The following BCAR3 variants were observed in gnomAD, a reference collection of about 807,000 sequenced individuals.
The protein encoded by BCAR3 is breast cancer anti-estrogen resistance protein 3.
In BCAR3, 37 loss-of-function variants were observed where a neutral mutation model predicts 80.1. The ratio of observed to expected loss-of-function variants is 0.46; its 90% confidence interval spans 0.36 to 0.61. BCAR3 has a LOEUF of 0.61. BCAR3 is among the 20% of genes least tolerant of loss of function. BCAR3 has a pLI of 0.00. For missense variants in BCAR3, 978 were observed against 1,068.2 expected (o/e 0.92, Z 1.18); for synonymous variants, 389 against 418.9 (o/e 0.93, Z 0.87).
At chr1:93,663,571 A>G (rs1009396589) in intron 2 of BCAR3, among the ~76,000 whole-genome samples, 1 of 152,234 alleles carries the variant, frequency 6.6e-6, no homozygotes, top group African/African-American at 2.4e-5. Context: ...TATACCGTGG[A>G]TGAGAAATTA....
At chr1:93,645,121 C>T (rs944850539) in intron 2 of BCAR3, among the ~76,000 whole-genome samples, 1 of 152,136 alleles carries the variant, frequency 6.6e-6, no homozygotes, top group Non-Finnish European at 1.5e-5. Context: ...CTGGGGGCCT[C>T]GTGGGAGTGT....
In BCAR3 at chr1:93,822,976, G is replaced by A. The variant is rs1159007411; in HGVS notation, c.-63+22591C>T. ...TAGGAAGAGGCATCACTCAAGTCCAGCCCATGAGTCATGAAGGCAATCTTC... is the reference window on the plus strand; with the variant it reads ...TAGGAAGAGGCATCACTCAAGTCCAACCCATGAGTCATGAAGGCAATCTTC... On this transcript the variant is annotated intron_variant, in intron 2 of 13. Transcript: ENST00000370244. 7.5e-5 allele frequency among the ~76,000 whole-genome samples: 10 copies of A among 132,962 alleles called. 3 individuals are homozygous for A. The highest frequency in any genetic ancestry group is 1.7e-4 in the Non-Finnish European group (10 of 59,016). The allele number at this position is 132,962 out of a possible 152,430, so 87.2% of individuals were successfully genotyped here. A position where few individuals can be genotyped will look rare whatever the true frequency, so the allele number is the denominator to read the frequency against.
At chr1:93,638,141 C>G (rs1315036548) in intron 3 of BCAR3, among the ~76,000 whole-genome samples, 1 of 152,098 alleles carries the variant, frequency 6.6e-6, no homozygotes, top group Non-Finnish European at 1.5e-5. Flanking sequence ...TCCAGCTACT[C>G]GGGAGGCTGA....
chr1:93,755,430 C>G (rs149046289), intron 2 of BCAR3, among the ~76,000 whole-genome samples: 1 of 152,202 alleles, frequency 6.6e-6, no homozygotes, highest in African/African-American at 2.4e-5. Context: ...GTGCCCTATA[C>G]AGGTGTACCA....
At chr1:93,627,232 C>G (rs1164758041) in intron 3 of BCAR3, among the ~76,000 whole-genome samples, 3 of 152,086 alleles carry the variant, frequency 2.0e-5, no homozygotes, top group African/African-American at 7.2e-5. Flanking sequence ...CAATATTTTT[C>G]AAATGGCCAA....
rs563397599 is a variant in BCAR3, at chr1:93,674,701, T to C, written c.230A>G (p.Lys77Arg). ...CACAGGCGAGTTCTGCCGTGGGGAT[T>C]TGGAGTGGGGGAGGGTGCCCATGTG... ...FSHMGTLPHS[K>R]SPRQNSPVTQ... Residue 77 changes from lysine (K) to arginine (R), a missense_variant, in exon 2 of 12, where the codon AAA becomes AGA. By Grantham distance (26) the Lys-to-Arg change is conservative. Coordinates refer to ENST00000260502, the MANE Select transcript of BCAR3 (RefSeq NM_003567.4). 1.2e-6 allele frequency: 2 copies of C among 1,613,948 alleles called. No individual in the cohort carries two copies. The highest frequency in any genetic ancestry group is 1.3e-5 in the African/African-American group (1 of 75,014).
intron 2 of BCAR3, among the ~76,000 whole-genome samples, chr1:93,818,101 T>C (rs961173593): frequency 6.6e-6 from 1 of 152,246 alleles, no homozygotes; most frequent in African/African-American, 2.4e-5. Flanking sequence ...GACTTTGCTA[T>C]GTTATTTTTC....
rs532662466 is a variant in BCAR3 at position 93,619,618 on chromosome 1, C to T, written c.357+22686G>A. Among the ~76,000 whole-genome samples, 196 of 152,278 alleles carry T rather than the reference C, an allele frequency of 1.3e-3. 2 individuals are homozygous for T. Among genetic ancestry groups the T allele is most frequent in the East Asian group, 7.7e-4 (4 of 5,168 alleles). ...AGCTATGTAAGCAACTAATAGGCAA[C>T]GACCACAAAGCCCTTCAGAGGTCCC... On this transcript the variant is annotated intron_variant, in intron 3 of 11. Coordinates refer to ENST00000260502, the MANE Select transcript of BCAR3 (RefSeq NM_003567.4).
At chr1:93,762,123 C>A (rs1651965773) in intron 2 of BCAR3, among the ~76,000 whole-genome samples, 1 of 152,210 alleles carries the variant, frequency 6.6e-6, no homozygotes, top group Non-Finnish European at 1.5e-5. Flanking sequence ...GCTCTTTAAA[C>A]TTTTTCCTTC....
intron 3 of BCAR3, among the ~76,000 whole-genome samples, chr1:93,615,381 G>T (rs967660558): frequency 2.6e-5 from 4 of 152,206 alleles, no homozygotes; most frequent in African/African-American, 9.6e-5. Context: ...CAAGGGCCCG[G>T]CCTCATCAAC....
At chr1:93,690,695 A>T (rs1649157270) in intron 3 of BCAR3, among the ~76,000 whole-genome samples, 1 of 152,222 alleles carries the variant, frequency 6.6e-6, no homozygotes, top group South Asian at 2.1e-4. Flanking sequence ...GTTTCCCCAT[A>T]TGTAAGATGA....
Position 93,582,870 on chromosome 1 carries a change from C to A in BCAR3, c.1117G>T (p.Ala373Ser), listed in dbSNP as rs969789871. 2.5e-6 allele frequency: 4 copies of A among 1,611,946 alleles called. No homozygotes were observed. The African/African-American group carries it at 5.3e-5, about 22-fold the overall frequency. The change falls in exon 7 of 12, where the codon GCC becomes TCC. Residue 373 changes from alanine (A) to serine (S), a missense_variant. By Grantham distance (99) the Ala-to-Ser change is moderately conservative (BLOSUM62 1). Transcript: ENST00000260502. ...CTCCGAACCACTGCTGGGCTCAGGG[C>A]AGGCTCGCTTCCCGTCCTGAACACA... ...SPVFRTGSEP[A>S]LSPAVVRRVS... is the part of the protein sequence containing the mutation.
At chr1:93,593,471 C>T (rs996444869) in intron 3 of BCAR3, among the ~76,000 whole-genome samples, 4 of 152,110 alleles carry the variant, frequency 2.6e-5, no homozygotes, top group Admixed American at 6.5e-5. Context: ...TGGGCTCAAG[C>T]GATCCTCCCA....
At position 93,665,421 on chromosome 1, in the gene BCAR3, A is replaced by T. The variant is rs542905320; in HGVS notation, c.317+9193T>A. 1.1e-4 allele frequency among the ~76,000 whole-genome samples: 16 copies of T among 152,206 alleles called. No homozygotes were observed. In the East Asian group the frequency reaches 2.9e-3, roughly 28 times the overall value. ...TCAAAAAAAAAAAAATCTTCTTTTGAACACCAACCCTATCCAGATCCTATC... is the reference window on the plus strand; with the variant it reads ...TCAAAAAAAAAAAAATCTTCTTTTGTACACCAACCCTATCCAGATCCTATC... On this transcript the variant is annotated intron_variant, in intron 2 of 11. Coordinates refer to ENST00000260502, the MANE Select transcript of BCAR3 (RefSeq NM_003567.4).
At chr1:93,568,287 T>C (rs887355028) in intron 9 of BCAR3, among the ~76,000 whole-genome samples, 1 of 151,778 alleles carries the variant, frequency 6.6e-6, no homozygotes, top group African/African-American at 2.4e-5. Context: ...GAAAGCAGGG[T>C]AGAAAGAAAA....
chr1:93,699,551 C>T (rs976283459), intron 3 of BCAR3, among the ~76,000 whole-genome samples: 3 of 152,098 alleles, frequency 2.0e-5, no homozygotes. Flanking sequence ...TGATCATATA[C>T]CGGCCTCAGT....
At chr1:93,578,972 G>C (rs528942897) in intron 7 of BCAR3, among the ~76,000 whole-genome samples, 2 of 152,362 alleles carry the variant, frequency 1.3e-5, no homozygotes, top group East Asian at 3.9e-4. Flanking sequence ...ATGTGGCAGA[G>C]GCAGGATTCA....
chr1:93,840,396 A>C (rs917887953), intron 2 of BCAR3, among the ~76,000 whole-genome samples: 1 of 152,152 alleles, frequency 6.6e-6, no homozygotes, highest in African/African-American at 2.4e-5. Context: ...TACATGAAGA[A>C]CCCAGAAAAG....
rs917517152 is a variant in BCAR3 at position 93,635,061 on chromosome 1, C to CA, written c.357+7242dup. Among the ~76,000 whole-genome samples the CA allele has an allele frequency of 2.3e-3, 346 of 152,092 alleles. 12 individuals are homozygous for CA. Among genetic ancestry groups the CA allele is most frequent in the Admixed American group, 1.8e-3 (28 of 15,284 alleles). On this transcript the variant is annotated intron_variant, in intron 3 of 11. Coordinates refer to ENST00000260502, the MANE Select transcript of BCAR3 (RefSeq NM_003567.4). ...AGCACACAGGGAGACCCCATCTCTA[C>CA]AAAAAATAAACAAGTTAGCTGGGTG...
Sources: gnomAD v4.1 joint callset for allele counts (sites outside exome capture counted in the v4.1 genomes callset) on GRCh38, gnomAD v4.1.1 for gene constraint, MANE v1.5 for transcripts, NCBI Gene and HGNC (gene_info 2026-07-23, HGNC 2026-07-21) for gene names.